MEI4: variants seen among roughly 807,000 people sequenced by gnomAD.
MEI4 encodes the protein meiosis-specific protein MEI4.
In MEI4, 27 loss-of-function variants were observed where a neutral mutation model predicts 31.4. That is an observed-to-expected ratio of 0.86 (90% confidence interval 0.63 to 1.19). The LOEUF (loss-of-function observed/expected upper bound fraction) is 1.19. Among genes scored for constraint, MEI4 ranks in the 50% most tolerant of loss-of-function variants. The probability of loss-of-function intolerance (pLI) is 0.00; values close to 1 mark genes in which losing one functional copy is unlikely to be tolerated. For synonymous variants in MEI4, 122 were observed against 145.4 expected, an observed-to-expected ratio of 0.84 and a Z score of 1.16; for missense variants, 329 against 398.9, an observed-to-expected ratio of 0.82 and a Z score of 1.49.
At position 77,789,542 on chromosome 6, in the gene MEI4, TCAAA is replaced by T. The variant is rs1166851087; in HGVS notation, c.768+27882_768+27885del. ...GCTAATATCCAGAATCTAAATGAAC[TCAAA>T]CAAATTTACAAGGAAAAAACAAACA... On this transcript the variant is annotated intron_variant, in intron 3 of 4. Transcript: ENST00000684080. Among the ~76,000 whole-genome samples the T allele has an allele frequency of 2.6e-5, 4 of 151,996 alleles. No homozygotes were observed. The East Asian group carries it at 5.8e-4, about 22-fold the overall frequency.
intron 4 of MEI4, among the ~76,000 whole-genome samples, chr6:77,919,700 G>C (rs1261118369): frequency 1.0e-4 from 15 of 149,728 alleles, no homozygotes; most frequent in South Asian, 2.1e-4. Flanking sequence ...AAAAATTAAT[G>C]AATCCAGGAG....
chr6:77,809,146 A>G lies in MEI4; in HGVS notation c.769-19785A>G, dbSNP rs1328419387. Among the ~76,000 whole-genome samples, 3 of 152,252 alleles carry G rather than the reference A, an allele frequency of 2.0e-5. No individual in the cohort carries two copies. The South Asian group carries it at 6.2e-4, about 32-fold the overall frequency. ...TGACATTTGTTTATTTACTTACTCA[A>G]CATAATTATTGAACATCTACATTGT... On this transcript the variant is annotated intron_variant, in intron 3 of 4. Transcript: ENST00000684080.
chr6:77,824,615 TTTTAC>T (rs1203939901), intron 3 of MEI4, among the ~76,000 whole-genome samples: 1 of 150,052 alleles, frequency 6.7e-6, no homozygotes, highest in African/African-American at 2.5e-5. Flanking sequence ...GTTCTTTATG[TTTTAC>T]TTTATAAGCA....
At chr6:77,922,931 GT>G (rs1217983149) in intron 4 of MEI4, among the ~76,000 whole-genome samples, 157 bp from the exon 5 acceptor site, 9 of 151,650 alleles carry the variant, frequency 5.9e-5, no homozygotes, top group Non-Finnish European at 8.8e-5. Context: ...TAAAGGAAAT[GT>G]TTTTTATTTC....
chr6:77,777,703 G>A (rs1365023106), intron 3 of MEI4, among the ~76,000 whole-genome samples: 1 of 152,082 alleles, frequency 6.6e-6, no homozygotes, highest in Non-Finnish European at 1.5e-5. Context: ...AGGATTAGCA[G>A]ATATCTAAGG....
intron 3 of MEI4, among the ~76,000 whole-genome samples, chr6:77,796,480 A>G (rs9343663): frequency 0.14 from 21,103 of 152,160 alleles, 1,544 homozygotes; most frequent in Middle Eastern, 0.21. Context: ...TGCCATCAAA[A>G]AACTGTTAGA....
At position 77,861,292 on chromosome 6, in the gene MEI4, T is replaced by A. The variant is rs1012461217; in HGVS notation, c.900+32230T>A. Among the ~76,000 whole-genome samples, 3 of 152,252 alleles carry A rather than the reference T, an allele frequency of 2.0e-5. No individual in the cohort carries two copies. The East Asian group carries it at 5.8e-4, about 29-fold the overall frequency. ...GCTTTAATTGCAAAACCACAATTAC[T>A]TTTGCACCAACCTAATATCTATCTC... On this transcript the variant is annotated intron_variant, in intron 4 of 4. Coordinates refer to ENST00000684080, the MANE Select transcript of MEI4 (RefSeq NM_001322247.2).
chr6:77,903,820 T>A (rs191783291), intron 4 of MEI4, among the ~76,000 whole-genome samples: 11 of 152,288 alleles, frequency 7.2e-5, no homozygotes, highest in African/African-American at 2.2e-4. Context: ...ATTATGATAA[T>A]GTGGTGCATT....
Position 77,747,511 on chromosome 6 carries a change from C to T in MEI4, c.233-13619C>T, listed in dbSNP as rs147907398. On this transcript the variant is annotated intron_variant, in intron 2 of 4. Coordinates refer to ENST00000684080, the MANE Select transcript of MEI4 (RefSeq NM_001322247.2). ...AAAGGGGGAAGAGCCCCTTATAAAA[C>T]CATCAGATCTCATGAGAACCCACTT... is the stretch of plus-strand genomic sequence containing the variant. Among the ~76,000 whole-genome samples, 211 of 152,184 alleles carry T rather than the reference C, an allele frequency of 1.4e-3. 1 individual carries two copies. The highest frequency in any genetic ancestry group is 4.5e-3 in the African/African-American group (185 of 41,516).
chr6:77,770,745 G>T (rs1206802066), intron 3 of MEI4, among the ~76,000 whole-genome samples: 1 of 152,080 alleles, frequency 6.6e-6, no homozygotes, highest in African/African-American at 2.4e-5. Context: ...AACAAGCAAT[G>T]AGGAGAGGAC....
At chr6:77,661,359 G>A (rs1397950555) in intron 1 of MEI4, among the ~76,000 whole-genome samples, 1 of 152,090 alleles carries the variant, frequency 6.6e-6, no homozygotes, top group Non-Finnish European at 1.5e-5. Context: ...AGGCCAAACC[G>A]AGGAATTATG....
chr6:77,817,966 T>C (rs1293507561), intron 3 of MEI4, among the ~76,000 whole-genome samples: 1 of 152,214 alleles, frequency 6.6e-6, no homozygotes, highest in Non-Finnish European at 1.5e-5. Flanking sequence ...TGGCAGCAAC[T>C]TGAGCTGCAT....
intron 2 of MEI4, among the ~76,000 whole-genome samples, chr6:77,706,056 C>T (rs1419315901): frequency 6.6e-6 from 1 of 152,124 alleles, no homozygotes. Flanking sequence ...TTCTGACCTT[C>T]TCCCCTTCTT....
At chr6:77,796,579 CT>C (rs566427786) in intron 3 of MEI4, among the ~76,000 whole-genome samples, 26 of 152,172 alleles carry the variant, frequency 1.7e-4, no homozygotes, top group African/African-American at 5.1e-4. Context: ...AACAAACTAT[CT>C]GAAAAATACA....
At chr6:77,791,503 G>C (rs1768930710) in intron 3 of MEI4, among the ~76,000 whole-genome samples, 1 of 141,350 alleles carries the variant, frequency 7.1e-6, no homozygotes, top group African/African-American at 2.7e-5. Context: ...GACACAGGAA[G>C]GGGAATATCA....
chr6:77,796,343 A>G (rs1052632189), intron 3 of MEI4, among the ~76,000 whole-genome samples: 2 of 152,182 alleles, frequency 1.3e-5, no homozygotes, highest in Non-Finnish European at 2.9e-5. Flanking sequence ...TCTATTCAGC[A>G]TATCAATGGA....
intron 3 of MEI4, among the ~76,000 whole-genome samples, chr6:77,822,900 G>A (rs994043064): frequency 4.6e-5 from 7 of 152,122 alleles, no homozygotes; most frequent in East Asian, 1.9e-4. Context: ...GGGATTACAG[G>A]TGTGAGCCCT....
In MEI4 at chr6:77,923,478, C is replaced by A; in HGVS notation, c.*132C>A. 2.7e-6 allele frequency: 2 copies of A among 740,748 alleles called. No homozygotes were observed. Among genetic ancestry groups the A allele is most frequent in the Non-Finnish European group, 3.7e-6 (2 of 543,078 alleles). 45.9% of individuals were successfully genotyped at this position (740,748 alleles called of 1,614,324 possible). The stretch of plus-strand genomic sequence containing the variant: ...TGATCTCTAAATATAATTATCAATT[C>A]AACTTAATGGTTAGTCTTAAATTGT... On this transcript the variant is annotated 3_prime_UTR_variant, in exon 5 of 5. Coordinates refer to ENST00000684080, the MANE Select transcript of MEI4 (RefSeq NM_001322247.2).
In MEI4 at chr6:77,794,007, TA is replaced by T. The variant is rs367578662; in HGVS notation, c.768+32349del. Among the ~76,000 whole-genome samples the T allele has an allele frequency of 5.9e-3, 900 of 151,946 alleles. 7 individuals are homozygous for T. Among genetic ancestry groups the T allele is most frequent in the Middle Eastern group, 0.021 (6 of 292 alleles). On this transcript the variant is annotated intron_variant, in intron 3 of 4. Coordinates refer to ENST00000684080, the MANE Select transcript of MEI4 (RefSeq NM_001322247.2). ...AAAGACACAGACTGGATGAATAGAT[TA>T]AAAAAACAAAAAATAAGAAGATTCT...
Sources: allele counts gnomAD v4.1 joint callset (sites outside exome capture counted in the v4.1 genomes callset), GRCh38; gene constraint gnomAD v4.1.1; transcripts MANE v1.5; gene names NCBI Gene and HGNC (gene_info 2026-07-23, HGNC 2026-07-21).